The following HACE1 variants were observed in gnomAD, a reference collection of about 807,000 sequenced individuals.
The protein encoded by HACE1 is E3 ubiquitin-protein ligase HACE1.
HACE1 carries 73 observed loss-of-function variants against 118.4 expected under a neutral mutation model. The ratio of observed to expected loss-of-function variants is 0.62; its 90% CI spans 0.51 to 0.75. The LOEUF (loss-of-function observed/expected upper bound fraction) is 0.75. HACE1 is among the 30% of genes least tolerant of loss of function. The pLI is 0.00. For synonymous variants in HACE1, 368 were observed against 374.8 expected (o/e 0.98, Z 0.21); for missense variants, 749 against 1,102.2 (o/e 0.68, Z 4.54).
intron 10 of HACE1, among the ~76,000 whole-genome samples, chr6:104,792,241 T>C (rs1783104850): frequency 6.6e-6 from 1 of 152,154 alleles, no homozygotes; most frequent in Non-Finnish European, 1.5e-5. Context: ...GGCTGCCTTA[T>C]GACTATACAC....
intron 19 of HACE1, among the ~76,000 whole-genome samples, chr6:104,753,043 A>C (rs898134527): frequency 1.5e-4 from 23 of 152,210 alleles, no homozygotes; most frequent in Admixed American, 3.9e-4. Context: ...GGAAAAATCT[A>C]AGTCGAACTG....
intron 3 of HACE1, 65 bp from the exon 4 acceptor site, chr6:104,849,311 T>C (rs914178294): frequency 6.2e-6 from 6 of 969,022 alleles, no homozygotes; most frequent in Admixed American, 3.4e-5. Flanking sequence ...TGTAGTTCAA[T>C]TAAAAAACAA....
intron 6 of HACE1, among the ~76,000 whole-genome samples, chr6:104,825,852 A>G (rs1199868965): frequency 1.3e-5 from 2 of 152,232 alleles, no homozygotes; most frequent in Non-Finnish European, 2.9e-5. Flanking sequence ...CAAAATGCCA[A>G]GAATCTGGAC....
chr6:104,823,082 C>A (rs1772951012), intron 6 of HACE1, among the ~76,000 whole-genome samples: 1 of 152,076 alleles, frequency 6.6e-6, no homozygotes, highest in South Asian at 2.1e-4. Context: ...GTGGTTTTTG[C>A]TATCACTTTT....
At chr6:104,825,093 A>AG (rs1040603092) in intron 6 of HACE1, among the ~76,000 whole-genome samples, 3 of 151,708 alleles carry the variant, frequency 2.0e-5, no homozygotes, top group Non-Finnish European at 4.4e-5. Context: ...AAAAAAAAAA[A>AG]AAAAGAAAGA....
intron 12 of HACE1, 103 bp downstream of exon 12, chr6:104,784,882 T>C (rs2114795597): frequency 2.5e-6 from 2 of 800,304 alleles, no homozygotes; most frequent in East Asian, 5.0e-5. Flanking sequence ...GAGAAAACTT[T>C]AAATCAACAA....
Position 104,760,726 on chromosome 6 carries a change from G to A in HACE1, c.2212-10254C>T, listed in dbSNP as rs960828885. Among the ~76,000 whole-genome samples, 5 of 152,314 alleles carry A rather than the reference G, an allele frequency of 3.3e-5. No individual in the cohort carries two copies. In the East Asian group the frequency reaches 9.6e-4, roughly 29 times the overall value. Reference sequence around the variant, plus strand: ...ATCAGGCAAGAGAAAGCAATAAAGTGTATTCAAATAGGAAGAGAGGAAGTC... The same window carrying A: ...ATCAGGCAAGAGAAAGCAATAAAGTATATTCAAATAGGAAGAGAGGAAGTC... On this transcript the variant is annotated intron_variant, in intron 19 of 23. Transcript: ENST00000262903.
chr6:104,845,531 A>G (rs373829458), intron 4 of HACE1, among the ~76,000 whole-genome samples: 25 of 143,226 alleles, frequency 1.7e-4, no homozygotes, highest in Admixed American at 1.5e-3. Context: ...AGGCTGGAGT[A>G]CAGTGGCACG....
chr6:104,826,274 A>C (rs544645831), intron 6 of HACE1, among the ~76,000 whole-genome samples: 1 of 152,356 alleles, frequency 6.6e-6, no homozygotes, highest in African/African-American at 2.4e-5. Flanking sequence ...ACGACTCTAG[A>C]TACTCGAGTT....
rs1554256554 is a variant in HACE1, at chr6:104,823,511, T to TA, written c.534+9530dup. 8.5e-4 allele frequency among the ~76,000 whole-genome samples: 129 copies of TA among 151,294 alleles called. 1 individual carries two copies. Among genetic ancestry groups the TA allele is most frequent in the East Asian group, 3.3e-3 (17 of 5,156 alleles). Reference sequence around the variant, plus strand: ...AAATCTTTCTACTTTTCTATTTTTTTAAAAAAAACAGCCCGATGAAGATCC... The same window carrying TA: ...AAATCTTTCTACTTTTCTATTTTTTTAAAAAAAAACAGCCCGATGAAGATCC... On this transcript the variant is annotated intron_variant, in intron 6 of 23. Transcript: ENST00000262903.
chr6:104,770,254 T>C (rs1780467401), intron 19 of HACE1, among the ~76,000 whole-genome samples: 1 of 152,184 alleles, frequency 6.6e-6, no homozygotes, highest in African/African-American at 2.4e-5. Context: ...CTGCTACTTG[T>C]AAGCAACAGA....
At chr6:104,777,681 C>A (rs1314574460) in intron 14 of HACE1, among the ~76,000 whole-genome samples, 5 of 152,148 alleles carry the variant, frequency 3.3e-5, no homozygotes, top group Non-Finnish European at 5.9e-5. Flanking sequence ...AGAAAAATTA[C>A]GTTGCGTGTT....
intron 19 of HACE1, among the ~76,000 whole-genome samples, chr6:104,759,392 A>C (rs1443363681): frequency 6.6e-6 from 1 of 152,238 alleles, no homozygotes; most frequent in East Asian, 1.9e-4. Context: ...AGGATTAAGA[A>C]ACTCACTCAA....
intron 22 of HACE1, among the ~76,000 whole-genome samples, chr6:104,736,448 A>G (rs1429832547): frequency 1.3e-5 from 2 of 151,966 alleles, no homozygotes; most frequent in African/African-American, 4.8e-5. Flanking sequence ...CCATGCCCAG[A>G]TAATTTTTGT....
At position 104,859,692 on chromosome 6, in the gene HACE1, C is replaced by A. The variant is rs1228367681; in HGVS notation, c.-50G>T. The A allele has an allele frequency of 4.7e-6, 7 of 1,482,792 alleles. No individual in the cohort carries two copies. Among genetic ancestry groups the A allele is most frequent in the Non-Finnish European group, 6.3e-6 (7 of 1,103,556 alleles). The allele number at this position is 1,482,792 out of a possible 1,614,324, so 91.9% of individuals were successfully genotyped here. A position where few individuals can be genotyped will look rare whatever the true frequency, so the allele number is the denominator to read the frequency against. On this transcript the variant is annotated 5_prime_UTR_variant, in exon 1 of 24. Coordinates refer to ENST00000262903, the MANE Select transcript of HACE1 (RefSeq NM_020771.4). ...CCGCGATCAGCCGCCCCACCGGCGG[C>A]CTCCGCGCCCAGAGCCCTACATCTC...
chr6:104,783,796 G>A (rs1782021694), intron 14 of HACE1, among the ~76,000 whole-genome samples: 2 of 152,182 alleles, frequency 1.3e-5, no homozygotes, highest in Admixed American at 6.5e-5. Flanking sequence ...GTATTTGGGG[G>A]CTAAAATCCT....
chr6:104,737,582 A>T (rs1005737751), intron 22 of HACE1, among the ~76,000 whole-genome samples: 1 of 152,110 alleles, frequency 6.6e-6, no homozygotes, highest in Non-Finnish European at 1.5e-5. Flanking sequence ...GCACCTAGAA[A>T]ATCGGGTCAC....
chr6:104,772,190 T>C (rs113185230), intron 17 of HACE1, 116 bp from the exon 18 acceptor site: 115 of 627,248 alleles, frequency 1.8e-4, no homozygotes, highest in African/African-American at 1.6e-3. Flanking sequence ...GGTTACATTA[T>C]GTATAAACTT....
chr6:104,747,424 A>G (rs1374843469), intron 20 of HACE1, among the ~76,000 whole-genome samples: 2 of 152,158 alleles, frequency 1.3e-5, no homozygotes, highest in African/African-American at 2.4e-5. Context: ...CTAAAACTCT[A>G]GAATTTAACC....
Sources: gnomAD v4.1 joint callset for allele counts (sites outside exome capture counted in the v4.1 genomes callset) on GRCh38, gnomAD v4.1.1 for gene constraint, MANE v1.5 for transcripts, NCBI Gene and HGNC (gene_info 2026-07-23, HGNC 2026-07-21) for gene names.